The following SLC24A2 variants were observed in gnomAD, a reference collection of about 807,000 sequenced individuals.
SLC24A2 encodes the protein solute carrier family 24 member 2.
Under a neutral mutation model 62.0 loss-of-function variants are expected in SLC24A2, and 36 were observed. The observed-to-expected ratio is 0.58, with a 90% CI of 0.44 to 0.77. SLC24A2 has a LOEUF of 0.77. Ranked by LOEUF, SLC24A2 falls within the 30% of genes least tolerant of loss-of-function variation. The pLI is 0.00. For missense variants in SLC24A2, 846 were observed against 817.9 expected, an observed-to-expected ratio of 1.03 and a Z score of -0.42; for synonymous variants, 358 against 294.0, an observed-to-expected ratio of 1.22 and a Z score of -2.23.
chr9:20,244,405 G>C, the SLC24A2 span, among the ~76,000 whole-genome samples: 32 of 152,274 alleles, frequency 2.1e-4, no homozygotes, highest in Non-Finnish European at 3.2e-4. Flanking sequence ...AGGGATAAAA[G>C]AGACCAGATG....
chr9:19,560,155 A>C lies in SLC24A2; in HGVS notation c.1348-9887T>G, dbSNP rs1835319733. The stretch of plus-strand genomic sequence containing the variant: ...AGCATCATTTGCTTTTCTTCTTTGA[A>C]AAGGTATGAAAACAGGGAGAGTCTG... On this transcript the variant is annotated intron_variant, in intron 7 of 10. Transcript: ENST00000341998. Among the ~76,000 whole-genome samples, 3 of 152,196 alleles carry C rather than the reference A, an allele frequency of 2.0e-5. 1 individual carries two copies. Among genetic ancestry groups the C allele is most frequent in the African/African-American group, 7.2e-5 (3 of 41,456 alleles).
rs1476146149 is a variant in SLC24A2, at chr9:19,786,987, G to C, written c.-121C>G. On this transcript the variant is annotated 5_prime_UTR_variant, in exon 2 of 11. Transcript: ENST00000341998. This position sits in a 1 kb window ranked among gnomAD's most constrained non-coding sequence, Gnocchi z 5.0. ...TGGGGTACTTTCACAATCAGGGATT[G>C]TTATGCTTCACAGGAAACTTTCATC... The C allele has an allele frequency of 1.6e-5, 23 of 1,456,392 alleles. No homozygotes were observed. The highest frequency in any genetic ancestry group is 2.0e-5 in the Non-Finnish European group (22 of 1,108,752). 90.2% of individuals were successfully genotyped at this position (1,456,392 alleles called of 1,614,324 possible).
In SLC24A2 at chr9:19,754,646, A is replaced by AT. The variant is rs5896863; in HGVS notation, c.930+31290dup. 5.3e-3 allele frequency among the ~76,000 whole-genome samples: 768 copies of AT among 143,772 alleles called. 6 individuals are homozygous for AT. The highest frequency in any genetic ancestry group is 0.015 in the African/African-American group (571 of 38,838). 94.3% of individuals were successfully genotyped at this position (143,772 alleles called of 152,430 possible). A position where few individuals can be genotyped will look rare whatever the true frequency, so the allele number is the denominator to read the frequency against. Reference sequence around the variant, plus strand: ...TCTTTCTCCTGGAAATCATGGGAGGATTTTTTTTTTTTTTTTAATAACCTG... The same window carrying AT: ...TCTTTCTCCTGGAAATCATGGGAGGATTTTTTTTTTTTTTTTTAATAACCTG... On this transcript the variant is annotated intron_variant, in intron 2 of 10. Coordinates refer to ENST00000341998, the MANE Select transcript of SLC24A2 (RefSeq NM_020344.4).
chr9:19,560,434 G>A (rs534720402), intron 7 of SLC24A2, among the ~76,000 whole-genome samples: 37 of 152,188 alleles, frequency 2.4e-4, no homozygotes, highest in Non-Finnish European at 3.8e-4. Context: ...AGGATCATAA[G>A]ATATACCAGA....
intron 8 of SLC24A2, among the ~76,000 whole-genome samples, chr9:19,539,555 C>T (rs1834152897): frequency 8.0e-6 from 1 of 124,682 alleles, no homozygotes. Context: ...TTTGATTGCA[C>T]TGTGGTCTGG....
the SLC24A2 span, among the ~76,000 whole-genome samples, chr9:20,096,223 T>C: frequency 1.3e-5 from 2 of 152,224 alleles, no homozygotes; most frequent in African/African-American, 4.8e-5. Context: ...AAACTGTTGT[T>C]ATAGAGTATG....
the SLC24A2 span, among the ~76,000 whole-genome samples, chr9:20,229,748 T>A: frequency 6.6e-6 from 1 of 152,152 alleles, no homozygotes; most frequent in African/African-American, 2.4e-5. Flanking sequence ...TTATTATTAT[T>A]ATACTTTAAG....
the SLC24A2 span, among the ~76,000 whole-genome samples, chr9:20,093,681 A>G: frequency 6.6e-6 from 1 of 152,174 alleles, no homozygotes; most frequent in African/African-American, 2.4e-5. Flanking sequence ...CAATGGTTCT[A>G]AAAGTGTGGT....
chr9:19,730,868 A>G (rs1821313684), intron 2 of SLC24A2, among the ~76,000 whole-genome samples: 1 of 128,984 alleles, frequency 7.8e-6, no homozygotes, highest in South Asian at 3.0e-4. Context: ...CTTAAATCCT[A>G]TAACTCTTAG....
At chr9:20,230,827 G>T in the SLC24A2 span, among the ~76,000 whole-genome samples, 1 of 152,128 alleles carries the variant, frequency 6.6e-6, no homozygotes, top group African/African-American at 2.4e-5. Context: ...GTCCTGAATG[G>T]TAATGCCTAG....
chr9:19,977,389 A>T, the SLC24A2 span, among the ~76,000 whole-genome samples: 1 of 152,070 alleles, frequency 6.6e-6, no homozygotes, highest in Non-Finnish European at 1.5e-5. Context: ...TGAGATAGAG[A>T]TAAAGGAGAA....
At chr9:19,627,702 A>G (rs574511500) in intron 2 of SLC24A2, among the ~76,000 whole-genome samples, 1 of 152,158 alleles carries the variant, frequency 6.6e-6, no homozygotes, top group East Asian at 1.9e-4. Flanking sequence ...ATTACGAAAA[A>G]AAAATTCTTT....
chr9:19,831,219 A>G, the SLC24A2 span, among the ~76,000 whole-genome samples: 1 of 152,212 alleles, frequency 6.6e-6, no homozygotes, highest in Non-Finnish European at 1.5e-5. Context: ...TTCCAAGCAT[A>G]GCACTGACTG....
At chr9:20,283,742 G>GA in the SLC24A2 span, among the ~76,000 whole-genome samples, 5 of 122,800 alleles carry the variant, frequency 4.1e-5, no homozygotes, top group African/African-American at 6.0e-5. Flanking sequence ...GGAGAAAAGA[G>GA]AAAAAAAAAG....
In SLC24A2 at chr9:19,512,387, G is replaced by A. The variant is rs1232421894; in HGVS notation, c.*3766C>T. ...CTCTTTTTATAATCTTCTGGGCAAGGCTTTAGGACATTCTGCTGCATCTGC... is the reference window on the plus strand; with the variant it reads ...CTCTTTTTATAATCTTCTGGGCAAGACTTTAGGACATTCTGCTGCATCTGC... On this transcript the variant is annotated 3_prime_UTR_variant, in exon 11 of 11. Transcript: ENST00000341998. The A allele has an allele frequency of 1.3e-5, 2 of 152,188 alleles. No individual in the cohort carries two copies. The highest frequency in any genetic ancestry group is 2.9e-5 in the Non-Finnish European group (2 of 68,042). The allele number at this position is 152,188 out of a possible 1,614,324, so 9.4% of individuals were successfully genotyped here. A position where few individuals can be genotyped will look rare whatever the true frequency, so the allele number is the denominator to read the frequency against.
the SLC24A2 span, among the ~76,000 whole-genome samples, chr9:19,968,858 T>C: frequency 3.3e-5 from 5 of 152,176 alleles, no homozygotes; most frequent in African/African-American, 9.6e-5. Flanking sequence ...TTTATATAAA[T>C]GGAAAATTAA....
At chr9:20,268,067 G>A in the SLC24A2 span, among the ~76,000 whole-genome samples, 2 of 152,126 alleles carry the variant, frequency 1.3e-5, no homozygotes, top group Non-Finnish European at 2.9e-5. Context: ...CCTTAAGGAG[G>A]GAATGGGAAA....
At chr9:20,211,415 G>C in the SLC24A2 span, among the ~76,000 whole-genome samples, 1 of 152,124 alleles carries the variant, frequency 6.6e-6, no homozygotes, top group African/African-American at 2.4e-5. Context: ...GGGCGGCTGA[G>C]GCAGGAGAAT....
chr9:20,215,010 T>C, the SLC24A2 span, among the ~76,000 whole-genome samples: 1 of 152,238 alleles, frequency 6.6e-6, no homozygotes, highest in African/African-American at 2.4e-5. Context: ...TCATTCAGGC[T>C]GCTATAACAA....
Sources: allele counts gnomAD v4.1 joint callset (sites outside exome capture counted in the v4.1 genomes callset), GRCh38; gene constraint gnomAD v4.1.1; non-coding constraint Gnocchi (gnomAD v3.1); transcripts MANE v1.5; gene names NCBI Gene and HGNC (gene_info 2026-07-23, HGNC 2026-07-21).